KAZN: variants seen among roughly 807,000 people sequenced by gnomAD.
The protein encoded by KAZN is kazrin.
Under a neutral mutation model 87.4 loss-of-function variants are expected in KAZN, and 40 were observed. The observed-to-expected ratio is 0.46, with a 90% CI of 0.36 to 0.60. The LOEUF is 0.60. Ranked by LOEUF, KAZN falls within the 20% of genes least tolerant of loss-of-function variation. KAZN has a pLI of 0.00. For missense variants in KAZN, 898 were observed against 1,073.9 expected (o/e 0.84, Z 2.29); for synonymous variants, 466 against 458.3 (o/e 1.02, Z -0.22).
chr1:14,726,657 A>G (rs1643399219), intron 1 of KAZN, among the ~76,000 whole-genome samples: 1 of 152,224 alleles, frequency 6.6e-6, no homozygotes, highest in Non-Finnish European at 1.5e-5. Context: ...GTAGCAATGA[A>G]TTGCAATTCC....
chr1:14,291,775 C>G (rs1653712361), intron 2 of KAZN, among the ~76,000 whole-genome samples: 1 of 152,224 alleles, frequency 6.6e-6, no homozygotes, highest in Non-Finnish European at 1.5e-5. Context: ...ATAAATCACA[C>G]TGGGAGCAGC....
At chr1:14,499,109 G>A (rs975342157) in intron 2 of KAZN, among the ~76,000 whole-genome samples, 10 of 152,152 alleles carry the variant, frequency 6.6e-5, no homozygotes, top group African/African-American at 2.2e-4. Flanking sequence ...CTAGGAATCT[G>A]TAAATATTTG....
intron 2 of KAZN, among the ~76,000 whole-genome samples, chr1:14,385,465 C>T (rs1661791548): frequency 6.6e-6 from 1 of 151,966 alleles, no homozygotes; most frequent in South Asian, 2.1e-4. Context: ...TATAAATTTC[C>T]CTCCACACAC....
intron 2 of KAZN, among the ~76,000 whole-genome samples, chr1:14,207,276 C>A (rs1646766042): frequency 6.6e-6 from 1 of 151,992 alleles, no homozygotes; most frequent in Admixed American, 6.6e-5. Flanking sequence ...TTTTTACATC[C>A]TTTTTTACCA....
At chr1:14,928,216 C>A (rs6429687) in intron 1 of KAZN, among the ~76,000 whole-genome samples, 1 of 151,764 alleles carries the variant, frequency 6.6e-6, no homozygotes, top group African/African-American at 2.4e-5. Context: ...TTTGGGAGGC[C>A]GAGGCGGGCG....
chr1:14,099,503 G>A (rs974911898), intron 1 of KAZN, among the ~76,000 whole-genome samples: 6 of 152,072 alleles, frequency 3.9e-5, no homozygotes, highest in African/African-American at 1.4e-4. Flanking sequence ...ATTTATAGAC[G>A]AAAGCCTGCC....
chr1:14,595,387 C>A (rs911233840), upstream of KAZN, among the ~76,000 whole-genome samples: 1 of 151,990 alleles, frequency 6.6e-6, no homozygotes, highest in African/African-American at 2.4e-5. Context: ...GGATAAGAAA[C>A]GTAGACCCGG....
At chr1:14,808,127 T>C (rs949443665) in intron 1 of KAZN, among the ~76,000 whole-genome samples, 5 of 152,100 alleles carry the variant, frequency 3.3e-5, no homozygotes, top group African/African-American at 1.2e-4. Flanking sequence ...AACACTGAGA[T>C]ACTGTGAGCC....
intron 2 of KAZN, among the ~76,000 whole-genome samples, chr1:14,294,812 G>A (rs1653990141): frequency 6.6e-6 from 1 of 151,616 alleles, no homozygotes. Context: ...AACTATCTGT[G>A]AGAACAACTT....
chr1:14,431,393 C>G (rs531604816), intron 2 of KAZN, among the ~76,000 whole-genome samples: 48 of 152,306 alleles, frequency 3.2e-4, no homozygotes, highest in African/African-American at 1.1e-3. Flanking sequence ...TTCCAAGCCC[C>G]TACTTGGAGG....
intron 2 of KAZN, among the ~76,000 whole-genome samples, chr1:14,332,799 G>A (rs994407776): frequency 1.3e-5 from 2 of 152,152 alleles, no homozygotes; most frequent in Non-Finnish European, 2.9e-5. Flanking sequence ...CTGTGCCTTT[G>A]TTCATCACGT....
chr1:13,995,846 G>T (rs1639488523), intron 1 of KAZN, among the ~76,000 whole-genome samples: 1 of 152,180 alleles, frequency 6.6e-6, no homozygotes, highest in South Asian at 2.1e-4. Flanking sequence ...CATTTTTCCA[G>T]ATTTTTTTTC....
intron 1 of KAZN, among the ~76,000 whole-genome samples, chr1:14,797,514 A>G (rs1029037902): frequency 6.6e-6 from 1 of 152,252 alleles, no homozygotes; most frequent in Non-Finnish European, 1.5e-5. Flanking sequence ...CAAGAATGTT[A>G]AAAGGCCAAG....
At chr1:14,474,461 A>G (rs537110730) in intron 2 of KAZN, among the ~76,000 whole-genome samples, 13 of 152,326 alleles carry the variant, frequency 8.5e-5, no homozygotes, top group African/African-American at 3.1e-4. Flanking sequence ...TATTCAGGGT[A>G]TAGTAGCAGT....
intron 1 of KAZN, among the ~76,000 whole-genome samples, chr1:14,726,555 T>C (rs896277166): frequency 2.0e-5 from 3 of 152,150 alleles, no homozygotes; most frequent in African/African-American, 7.2e-5. Flanking sequence ...GTGGGCTGGG[T>C]TGGGTTGTAC....
At chr1:14,590,593 A>G (rs1343090945) in intron 2 of KAZN, among the ~76,000 whole-genome samples, 2 of 152,170 alleles carry the variant, frequency 1.3e-5, no homozygotes, top group Non-Finnish European at 1.5e-5. Flanking sequence ...GGGAAGATTC[A>G]GCCTGAGTTA....
intron 1 of KAZN, among the ~76,000 whole-genome samples, chr1:14,110,277 G>T (rs1369158649): frequency 2.0e-5 from 3 of 150,080 alleles, no homozygotes; most frequent in Non-Finnish European, 4.4e-5. Context: ...GATGCTTAAA[G>T]CCTTGCCAAA....
chr1:14,331,294 T>G (rs1429181822), intron 2 of KAZN, among the ~76,000 whole-genome samples: 1 of 152,252 alleles, frequency 6.6e-6, no homozygotes, highest in East Asian at 1.9e-4. Flanking sequence ...ACCCCTAGGC[T>G]GTGATATGGG....
intron 2 of KAZN, among the ~76,000 whole-genome samples, chr1:14,539,592 A>G (rs1198406695): frequency 6.6e-6 from 1 of 152,182 alleles, no homozygotes; most frequent in Non-Finnish European, 1.5e-5. Context: ...TTGAATATCA[A>G]AGAATTAAGA....
Sources: allele counts gnomAD v4.1 joint callset (sites outside exome capture counted in the v4.1 genomes callset), GRCh38; gene constraint gnomAD v4.1.1; transcripts MANE v1.5; gene names NCBI Gene and HGNC (gene_info 2026-07-23, HGNC 2026-07-21).